PARD3: variants seen among roughly 807,000 people sequenced by gnomAD.
PARD3 encodes the protein partitioning defective 3 homolog.
A neutral mutation model predicts 155.4 loss-of-function variants in PARD3; 75 were observed. The ratio of observed to expected loss-of-function variants is 0.48; its 90% confidence interval spans 0.40 to 0.58. The LOEUF (loss-of-function observed/expected upper bound fraction) is 0.58. Ranked by LOEUF, PARD3 falls within the 20% of genes least tolerant of loss-of-function variation. The pLI, the probability that PARD3 is intolerant of heterozygous loss-of-function variation, is 0.00. For synonymous variants in PARD3, 576 were observed against 610.5 expected, an observed-to-expected ratio of 0.94 and a Z score of 0.83; for missense variants, 1,642 against 1,721.7, an observed-to-expected ratio of 0.95 and a Z score of 0.82.
intron 22 of PARD3, among the ~76,000 whole-genome samples, chr10:34,254,533 T>C (rs921884577): frequency 2.3e-5 from 3 of 133,244 alleles, no homozygotes; most frequent in Non-Finnish European, 4.8e-5. Flanking sequence ...TCTAGGTAGG[T>C]AAACGTGTGT....
At chr10:34,189,730 C>T (rs919127892) in intron 22 of PARD3, among the ~76,000 whole-genome samples, 1 of 152,202 alleles carries the variant, frequency 6.6e-6, no homozygotes, top group Non-Finnish European at 1.5e-5. Flanking sequence ...ACCTGCTTCA[C>T]AGAACACCAC....
chr10:34,340,961 G>A (rs769406902), intron 16 of PARD3, among the ~76,000 whole-genome samples: 1 of 151,984 alleles, frequency 6.6e-6, no homozygotes, highest in Non-Finnish European at 1.5e-5. Flanking sequence ...TTGTGAGGTC[G>A]TCCCCAAGAG....
chr10:34,379,666 T>C (rs1210918595), intron 9 of PARD3, among the ~76,000 whole-genome samples: 1 of 152,100 alleles, frequency 6.6e-6, no homozygotes, highest in Non-Finnish European at 1.5e-5. Flanking sequence ...GTTCAGGCAA[T>C]GACCTTTCAA....
At chr10:34,704,128 C>G (rs2094327643) in intron 1 of PARD3, among the ~76,000 whole-genome samples, 1 of 152,118 alleles carries the variant, frequency 6.6e-6, no homozygotes, top group South Asian at 2.1e-4. Context: ...CCAGACACCC[C>G]AAATGTGACC....
chr10:34,780,906 C>T (rs537980413), intron 1 of PARD3, among the ~76,000 whole-genome samples: 4 of 152,300 alleles, frequency 2.6e-5, no homozygotes, highest in African/African-American at 7.2e-5. Flanking sequence ...TGAAACTCAA[C>T]GTGAAAGCTA....
At chr10:34,315,165 T>A (rs1274086968) in intron 20 of PARD3, among the ~76,000 whole-genome samples, 1 of 152,184 alleles carries the variant, frequency 6.6e-6, no homozygotes, top group Admixed American at 6.5e-5. Context: ...AGGCTGTAGA[T>A]AATGATCTAG....
chr10:34,782,342 AAGGTTAC>A (rs1349635835), intron 1 of PARD3, among the ~76,000 whole-genome samples: 4 of 152,190 alleles, frequency 2.6e-5, no homozygotes, highest in African/African-American at 9.7e-5. Context: ...AAATTTTAGA[AAGGTTAC>A]CCAGGGAATC....
intron 18 of PARD3, among the ~76,000 whole-genome samples, chr10:34,332,098 AG>A (rs1411033127): frequency 7.9e-5 from 12 of 152,248 alleles, no homozygotes; most frequent in African/African-American, 2.7e-4. Context: ...GGTGATGGAC[AG>A]AAGAAAGACG....
At chr10:34,356,156 C>T (rs983196272) in intron 14 of PARD3, among the ~76,000 whole-genome samples, 1 of 152,044 alleles carries the variant, frequency 6.6e-6, no homozygotes, top group Non-Finnish European at 1.5e-5. Context: ...TAAGAAATAG[C>T]TCCCAGAGAA....
At chr10:34,408,971 G>C (rs1373579603) in intron 5 of PARD3, among the ~76,000 whole-genome samples, 1 of 151,978 alleles carries the variant, frequency 6.6e-6, no homozygotes, top group Non-Finnish European at 1.5e-5. Context: ...ATGCTCTACT[G>C]AACAAAGCTC....
At chr10:34,357,598 T>C (rs1393341830) in intron 14 of PARD3, among the ~76,000 whole-genome samples, 1 of 152,210 alleles carries the variant, frequency 6.6e-6, no homozygotes, top group Non-Finnish European at 1.5e-5. Flanking sequence ...AAAACTACTA[T>C]TCAATCAGTC....
chr10:34,419,531 G>C (rs756296604), intron 5 of PARD3, among the ~76,000 whole-genome samples: 27 of 151,982 alleles, frequency 1.8e-4, no homozygotes, highest in Non-Finnish European at 2.8e-4. Flanking sequence ...AAAAAGAAAA[G>C]AAAAGAAGTA....
At chr10:34,773,002 A>G (rs1292694114) in intron 1 of PARD3, among the ~76,000 whole-genome samples, 1 of 152,120 alleles carries the variant, frequency 6.6e-6, no homozygotes, top group East Asian at 1.9e-4. Context: ...ATCCATTTAC[A>G]CAGCAAATGA....
intron 2 of PARD3, among the ~76,000 whole-genome samples, chr10:34,643,961 G>A (rs954780079): frequency 7.2e-5 from 11 of 152,098 alleles, no homozygotes; most frequent in African/African-American, 2.7e-4. Context: ...ACACACAAGA[G>A]TGGAAGACTC....
rs142121135 is a variant in PARD3, at chr10:34,130,712, C to T, written c.3540+751G>A. ...CTCTGGTGGCTATGAGGGGGATGAA[C>T]TGGAATAAGATGGATTCAACAAACA... On this transcript the variant is annotated intron_variant, in intron 23 of 24. Coordinates refer to ENST00000374788, the MANE Select transcript of PARD3 (RefSeq NM_001184785.2). 2.2e-3 allele frequency among the ~76,000 whole-genome samples: 336 copies of T among 152,200 alleles called. 1 individual carries two copies. Among genetic ancestry groups the T allele is most frequent in the African/African-American group, 7.6e-3 (316 of 41,518 alleles).
intron 2 of PARD3, among the ~76,000 whole-genome samples, chr10:34,532,237 A>G (rs2082909971): frequency 6.6e-6 from 1 of 152,276 alleles, no homozygotes; most frequent in Non-Finnish European, 1.5e-5. Context: ...CATGACATAT[A>G]TTTTTAAATT....
chr10:34,384,066 A>G (rs903037167), intron 8 of PARD3, 63 bp downstream of exon 8: 2 of 1,528,504 alleles, frequency 1.3e-6, no homozygotes, highest in Non-Finnish European at 1.8e-6. Flanking sequence ...AAGCATTTCA[A>G]CTGACTGCAC....
At chr10:34,465,902 A>C (rs944524423) in intron 4 of PARD3, among the ~76,000 whole-genome samples, 4 of 152,132 alleles carry the variant, frequency 2.6e-5, no homozygotes, top group Non-Finnish European at 4.4e-5. Context: ...CTCTCCACAG[A>C]CTAGCTGGCC....
chr10:34,590,903 C>G (rs1251082281), intron 2 of PARD3, among the ~76,000 whole-genome samples: 1 of 152,206 alleles, frequency 6.6e-6, no homozygotes, highest in Non-Finnish European at 1.5e-5. Context: ...TGGAAAAAAT[C>G]TCTCTCTGTC....
Sources: gnomAD v4.1 joint callset for allele counts (sites outside exome capture counted in the v4.1 genomes callset) on GRCh38, gnomAD v4.1.1 for gene constraint, MANE v1.5 for transcripts, NCBI Gene and HGNC (gene_info 2026-07-23, HGNC 2026-07-21) for gene names.